The following RGS7 variants were observed in gnomAD, a reference collection of about 807,000 sequenced individuals.
The protein encoded by RGS7 is regulator of G-protein signaling 7.
RGS7 carries 27 observed loss-of-function variants against 81.1 expected under a neutral mutation model. That is an observed-to-expected ratio of 0.33 (90% CI 0.25 to 0.46). The LOEUF (loss-of-function observed/expected upper bound fraction) is 0.46, where lower values mean the gene tolerates loss of function less well. Among genes scored for constraint, RGS7 ranks in the 20% least tolerant of loss-of-function variants. The pLI is 1.00. For synonymous variants in RGS7, 208 were observed against 207.7 expected, an observed-to-expected ratio of 1.00 and a Z score of -0.01; for missense variants, 396 against 607.4, an observed-to-expected ratio of 0.65 and a Z score of 3.66.
chr1:240,999,021 G>A (rs1687737643), intron 3 of RGS7, among the ~76,000 whole-genome samples: 1 of 152,118 alleles, frequency 6.6e-6, no homozygotes, highest in African/African-American at 2.4e-5. Flanking sequence ...CCGCTGTTCA[G>A]ATTAGGTAAT....
At chr1:241,050,495 T>C (rs950804082) in intron 3 of RGS7, among the ~76,000 whole-genome samples, 2 of 152,146 alleles carry the variant, frequency 1.3e-5, no homozygotes, top group Non-Finnish European at 2.9e-5. Context: ...CTTGTAATTA[T>C]GAAGGTAGGC....
intron 9 of RGS7, among the ~76,000 whole-genome samples, chr1:240,849,817 C>T (rs1659775524): frequency 6.6e-6 from 1 of 152,200 alleles, no homozygotes. Flanking sequence ...AACGATGAGC[C>T]AATTAAACCT....
chr1:240,994,479 G>C (rs779770811), intron 3 of RGS7, among the ~76,000 whole-genome samples: 2 of 152,114 alleles, frequency 1.3e-5, no homozygotes, highest in South Asian at 2.1e-4. Flanking sequence ...TTCACTGTTA[G>C]TATATAAAAA....
intron 2 of RGS7, among the ~76,000 whole-genome samples, chr1:241,173,738 A>G (rs1237611586): frequency 1.3e-5 from 2 of 152,188 alleles, no homozygotes; most frequent in African/African-American, 4.8e-5. Context: ...CCATGATAGC[A>G]CCATTGTACT....
intron 9 of RGS7, among the ~76,000 whole-genome samples, chr1:240,845,738 G>A (rs973283382): frequency 1.1e-4 from 17 of 152,192 alleles, no homozygotes; most frequent in Non-Finnish European, 2.4e-4. Flanking sequence ...TATTGTCATC[G>A]ATAGTAATCC....
At chr1:241,058,246 A>C (rs1181008699) in intron 3 of RGS7, among the ~76,000 whole-genome samples, 1 of 152,210 alleles carries the variant, frequency 6.6e-6, no homozygotes, top group African/African-American at 2.4e-5. Flanking sequence ...GGGAAGAATG[A>C]GTCAGGTGAG....
chr1:240,866,915 C>A (rs145727486), intron 9 of RGS7, among the ~76,000 whole-genome samples: 1 of 152,118 alleles, frequency 6.6e-6, no homozygotes, highest in East Asian at 1.9e-4. Context: ...GTCATGGAAG[C>A]TAAACGAGGC....
At chr1:241,077,250 A>G (rs1275888719) in intron 3 of RGS7, among the ~76,000 whole-genome samples, 1 of 152,234 alleles carries the variant, frequency 6.6e-6, no homozygotes, top group African/African-American at 2.4e-5. Context: ...TTTACACAGA[A>G]AGTAAAACTG....
intron 2 of RGS7, among the ~76,000 whole-genome samples, chr1:241,318,865 C>T (rs969688100): frequency 5.9e-5 from 9 of 152,228 alleles, no homozygotes; most frequent in Admixed American, 1.3e-4. Flanking sequence ...AATACATATT[C>T]GATTTGCTTC....
At chr1:241,203,854 G>T (rs992627898) in intron 2 of RGS7, among the ~76,000 whole-genome samples, 3 of 152,122 alleles carry the variant, frequency 2.0e-5, no homozygotes, top group Admixed American at 2.0e-4. Context: ...AATTTTGATG[G>T]ATTTTACAAT....
At chr1:241,049,472 C>T (rs1187296914) in intron 3 of RGS7, among the ~76,000 whole-genome samples, 1 of 152,196 alleles carries the variant, frequency 6.6e-6, no homozygotes, top group Non-Finnish European at 1.5e-5. Flanking sequence ...TCTCTAGAGA[C>T]CCTGTAGTCC....
In RGS7 at chr1:241,143,634, T is replaced by C. The variant is rs1004115262; in HGVS notation, c.79-44872A>G. 6.6e-5 allele frequency among the ~76,000 whole-genome samples: 10 copies of C among 152,174 alleles called. No homozygotes were observed. In the South Asian group the frequency reaches 8.3e-4, roughly 13 times the overall value. ...CAACATGTGGGAATTCAAGATGAGA[T>C]CTGGGTGAAGACACAGCCAAACCAT... On this transcript the variant is annotated intron_variant, in intron 2 of 18. Transcript: ENST00000440928.
At chr1:241,356,300 A>G (rs2083562887) in intron 1 of RGS7, among the ~76,000 whole-genome samples, 1 of 151,992 alleles carries the variant, frequency 6.6e-6, no homozygotes, top group African/African-American at 2.4e-5. Flanking sequence ...CCCATCAGAG[A>G]GGCCCATTCC....
intron 3 of RGS7, among the ~76,000 whole-genome samples, chr1:241,045,413 G>C (rs538331606): frequency 1.3e-5 from 2 of 152,156 alleles, no homozygotes; most frequent in South Asian, 4.2e-4. Context: ...GCCCAGGCTG[G>C]AGTGCAGTGG....
intron 2 of RGS7, among the ~76,000 whole-genome samples, chr1:241,331,072 T>C (rs34690516): frequency 0.19 from 28,739 of 152,144 alleles, 2,896 homozygotes; most frequent in East Asian, 0.29. Context: ...ATTTAAACTC[T>C]TTGTTCCAGC....
intron 9 of RGS7, among the ~76,000 whole-genome samples, chr1:240,842,333 G>A (rs945158429): frequency 6.6e-6 from 1 of 151,004 alleles, no homozygotes; most frequent in African/African-American, 2.4e-5. Context: ...CGAGTAGCTG[G>A]GATTACAGGC....
chr1:240,893,442 A>G (rs1442686197), intron 6 of RGS7, among the ~76,000 whole-genome samples: 1 of 152,150 alleles, frequency 6.6e-6, no homozygotes, highest in East Asian at 1.9e-4. Flanking sequence ...TGATTCATTT[A>G]GCTTATGTTA....
chr1:241,349,229 G>C (rs2083087646), intron 2 of RGS7, among the ~76,000 whole-genome samples: 4 of 152,206 alleles, frequency 2.6e-5, no homozygotes, highest in Admixed American at 2.6e-4. Context: ...AACAGTGGCA[G>C]AGCTGAGATT....
intron 2 of RGS7, among the ~76,000 whole-genome samples, chr1:241,282,372 C>T (rs1187311188): frequency 6.6e-6 from 1 of 152,174 alleles, no homozygotes; most frequent in Non-Finnish European, 1.5e-5. Flanking sequence ...ACATTCATTA[C>T]TATAATATAG....
Sources: allele counts gnomAD v4.1 joint callset (sites outside exome capture counted in the v4.1 genomes callset), GRCh38; gene constraint gnomAD v4.1.1; transcripts MANE v1.5; gene names NCBI Gene and HGNC (gene_info 2026-07-23, HGNC 2026-07-21).